The following CDC73 variants were observed in gnomAD, a reference collection of about 807,000 sequenced individuals.
The protein encoded by CDC73 is cell division cycle 73, also known as parafibromin.
CDC73 carries 21 observed loss-of-function variants against 83.7 expected under a neutral mutation model. The ratio of observed to expected loss-of-function variants is 0.25; its 90% CI spans 0.18 to 0.36. The LOEUF (loss-of-function observed/expected upper bound fraction) is 0.36, where lower values mean the gene tolerates loss of function less well. Ranked by LOEUF, CDC73 falls within the 10% of genes least tolerant of loss-of-function variation. The pLI is 1.00. For missense variants in CDC73, 342 were observed against 653.3 expected (o/e 0.52, Z 5.19); for synonymous variants, 224 against 212.9 (o/e 1.05, Z -0.45).
intron 10 of CDC73, among the ~76,000 whole-genome samples, chr1:193,197,214 T>C (rs1430631316): frequency 1.3e-5 from 2 of 152,238 alleles, no homozygotes; most frequent in African/African-American, 4.8e-5. Flanking sequence ...CACCTTTATC[T>C]GTTAATGTGG....
intron 10 of CDC73, among the ~76,000 whole-genome samples, chr1:193,154,025 C>T (rs1224620529): frequency 2.6e-5 from 4 of 152,176 alleles, no homozygotes; most frequent in Non-Finnish European, 4.4e-5. Context: ...CCATCTTATG[C>T]GATCTGCCTG....
intron 10 of CDC73, chr1:193,181,396 T>C (rs769161946): frequency 6.2e-7 from 1 of 1,614,050 alleles, no homozygotes; most frequent in Admixed American, 1.7e-5. Context: ...AGGGTTTTCT[T>C]TGAATCCAGC....
Position 193,212,084 on chromosome 1 carries a change from C to T in CDC73, c.1050C>T (p.Pro350=). The change falls in exon 12 of 17, where the codon CCC becomes CCT. Residue 350 remains proline, a synonymous_variant. Coordinates refer to ENST00000367435, the MANE Select transcript of CDC73 (RefSeq NM_024529.5). ...VPRPVSQARP[P]PNQKKGSRTP... is the part of the protein sequence containing the mutation. ...TCACAGTTTCTCAAGCAAGACCTCC[C>T]CCAAATCAGAAGAAAGGTGAGGTTG... The T allele has an allele frequency of 6.3e-7, 1 of 1,585,352 alleles. No homozygotes were observed. Among genetic ancestry groups the T allele is most frequent in the South Asian group, 1.1e-5 (1 of 88,116 alleles).
intron 10 of CDC73, 128 bp from the exon 11 acceptor site, chr1:193,203,667 T>C (rs1441190897): frequency 1.3e-6 from 1 of 764,408 alleles, no homozygotes; most frequent in African/African-American, 1.8e-5. Context: ...ACATGTTCAG[T>C]GGAGTAACCA....
At chr1:193,131,238 GT>G (rs1176319616) in intron 3 of CDC73, among the ~76,000 whole-genome samples, 1 of 151,870 alleles carries the variant, frequency 6.6e-6, no homozygotes, top group African/African-American at 2.4e-5. Flanking sequence ...CAAGTCTGTT[GT>G]TTTCTCAGTG....
chr1:193,167,376 C>T (rs182930068), intron 10 of CDC73, among the ~76,000 whole-genome samples: 3 of 152,184 alleles, frequency 2.0e-5, no homozygotes, highest in East Asian at 1.9e-4. Flanking sequence ...TTGGACTCCT[C>T]GAATAAACCA....
In CDC73 at chr1:193,243,740, T is replaced by C. The variant is rs1677902027; in HGVS notation, c.1418-5990T>C. Among the ~76,000 whole-genome samples the C allele has an allele frequency of 2.0e-5, 3 of 152,196 alleles. No homozygotes were observed. The South Asian group carries it at 6.2e-4, about 32-fold the overall frequency. On this transcript the variant is annotated intron_variant, in intron 15 of 16. Transcript: ENST00000367435. ...TGAAAGTAAGTTTCTTGAATGTTAT[T>C]ACATGTAGCCCCTTTAATGAATTTG... is the stretch of plus-strand genomic sequence containing the variant.
At chr1:193,168,755 C>T (rs1024334424) in intron 10 of CDC73, among the ~76,000 whole-genome samples, 4 of 152,110 alleles carry the variant, frequency 2.6e-5, no homozygotes, top group African/African-American at 7.2e-5. Flanking sequence ...AAACACCTGA[C>T]GTCAGGTGAT....
At chr1:193,158,213 A>T (rs10801182) in intron 10 of CDC73, among the ~76,000 whole-genome samples, 1 of 151,758 alleles carries the variant, frequency 6.6e-6, no homozygotes, top group Non-Finnish European at 1.5e-5. Flanking sequence ...TTTTGCAACA[A>T]CTATGTATGT....
chr1:193,230,315 A>T lies in CDC73; in HGVS notation c.1155-2678A>T, dbSNP rs1328549166. ...AAGCGCACGCCACCACACCTAGCCA[A>T]TTTTTGTATATTTAGTAGAGACGGG... is the stretch of plus-strand genomic sequence containing the variant. On this transcript the variant is annotated intron_variant, in intron 13 of 16. Coordinates refer to ENST00000367435, the MANE Select transcript of CDC73 (RefSeq NM_024529.5). 1.3e-5 allele frequency among the ~76,000 whole-genome samples: 2 copies of T among 151,512 alleles called. 1 individual carries two copies. The highest frequency in any genetic ancestry group is 3.9e-4 in the East Asian group (2 of 5,146).
rs903005474 is a variant in CDC73, at chr1:193,225,243, A to G, written c.1155-7750A>G. Among the ~76,000 whole-genome samples the G allele has an allele frequency of 6.6e-3, 360 of 54,724 alleles. 5 individuals are homozygous for G. The highest frequency in any genetic ancestry group is 3.6e-3 in the Non-Finnish European group (80 of 22,348). The allele number at this position is 54,724 out of a possible 152,430, so 35.9% of individuals were successfully genotyped here. A position where few individuals can be genotyped will look rare whatever the true frequency, so the allele number is the denominator to read the frequency against. On this transcript the variant is annotated intron_variant, in intron 13 of 16. Transcript: ENST00000367435. ...CCCTTTTATGGCTGAGTAGTATTCCATGATATATATATATATATATATATA... is the reference window on the plus strand; with the variant it reads ...CCCTTTTATGGCTGAGTAGTATTCCGTGATATATATATATATATATATATA...
chr1:193,236,262 C>T lies in CDC73; in HGVS notation c.1323C>T (p.Arg441=), dbSNP rs747780211. The change falls in exon 15 of 17, where the codon CGC becomes CGT. Residue 441 remains arginine, a synonymous_variant. Coordinates refer to ENST00000367435, the MANE Select transcript of CDC73 (RefSeq NM_024529.5). ...CCCACTTTTCTACTTGTAGGGACCGCGTTGTAGCCGTTTTTGTGCAGGGTC... is the reference window on the plus strand; with the variant it reads ...CCCACTTTTCTACTTGTAGGGACCGTGTTGTAGCCGTTTTTGTGCAGGGTC... The part of the protein sequence containing the change: ...PLKLMPQDWD[R]VVAVFVQGPA... 9 of 1,612,452 alleles carry T rather than the reference C, an allele frequency of 5.6e-6. No individual in the cohort carries two copies. In the Admixed American group the frequency reaches 6.7e-5, roughly 12 times the overall value.
intron 5 of CDC73, among the ~76,000 whole-genome samples, chr1:193,136,098 C>G (rs572417930): frequency 1.3e-5 from 2 of 152,062 alleles, no homozygotes; most frequent in South Asian, 4.2e-4. Context: ...AGAATTCTTT[C>G]TTTATGAAAG....
intron 10 of CDC73, chr1:193,180,686 C>A: frequency 1.2e-6 from 2 of 1,614,046 alleles, no homozygotes; most frequent in Non-Finnish European, 1.7e-6. Context: ...CACTTGCTAT[C>A]TTTGTTTCGA....
At chr1:193,178,980 T>C (rs1200869738) in intron 10 of CDC73, 1 of 152,198 alleles carries the variant, frequency 6.6e-6, no homozygotes, top group Non-Finnish European at 1.5e-5. Flanking sequence ...AGGTTGGTAT[T>C]TCTTGATTTT....
intron 13 of CDC73, among the ~76,000 whole-genome samples, chr1:193,225,391 A>G (rs1287519964): frequency 1.3e-5 from 2 of 151,940 alleles, no homozygotes; most frequent in Non-Finnish European, 2.9e-5. Flanking sequence ...TCTTTTTTGT[A>G]TCATGACTTC....
chr1:193,149,815 T>C (rs1453207459), intron 8 of CDC73, among the ~76,000 whole-genome samples: 1 of 151,726 alleles, frequency 6.6e-6, no homozygotes, highest in Non-Finnish European at 1.5e-5. Context: ...AAATAATGCA[T>C]CATTAGACTG....
Position 193,225,245 on chromosome 1 carries a change from G to GATATATAT in CDC73, c.1155-7727_1155-7720dup, listed in dbSNP as rs56261261. 5.4e-3 allele frequency among the ~76,000 whole-genome samples: 780 copies of GATATATAT among 143,582 alleles called. 6 individuals are homozygous for GATATATAT. The highest frequency in any genetic ancestry group is 8.8e-3 in the Non-Finnish European group (578 of 65,758). The allele number at this position is 143,582 out of a possible 152,430, so 94.2% of individuals were successfully genotyped here. ...CTTTTATGGCTGAGTAGTATTCCAT[G>GATATATAT]ATATATATATATATATATATATATA... On this transcript the variant is annotated intron_variant, in intron 13 of 16. Coordinates refer to ENST00000367435, the MANE Select transcript of CDC73 (RefSeq NM_024529.5).
intron 14 of CDC73, among the ~76,000 whole-genome samples, chr1:193,235,392 A>G (rs1341577054): frequency 3.3e-5 from 5 of 151,692 alleles, no homozygotes; most frequent in African/African-American, 1.2e-4. Context: ...ATGTGTTAAC[A>G]TCATAAGTAA....
Sources: allele counts gnomAD v4.1 joint callset (sites outside exome capture counted in the v4.1 genomes callset), GRCh38; gene constraint gnomAD v4.1.1; transcripts MANE v1.5; gene names NCBI Gene and HGNC (gene_info 2026-07-23, HGNC 2026-07-21).